The following MARCHF4 variants were observed in gnomAD, a reference collection of about 807,000 sequenced individuals.
MARCHF4 encodes E3 ubiquitin-protein ligase MARCHF4.
A neutral mutation model predicts 43.9 loss-of-function variants in MARCHF4; 14 were observed. The observed-to-expected ratio is 0.32, with a 90% CI of 0.21 to 0.50. MARCHF4 has a LOEUF of 0.50. Among genes scored for constraint, MARCHF4 ranks in the 20% least tolerant of loss-of-function variants. The pLI, the probability that MARCHF4 is intolerant of heterozygous loss-of-function variation, is 0.98. For synonymous variants in MARCHF4, 226 were observed against 213.3 expected, an observed-to-expected ratio of 1.06 and a Z score of -0.52; for missense variants, 468 against 536.7, an observed-to-expected ratio of 0.87 and a Z score of 1.27.
At position 216,341,558 on chromosome 2, in the gene MARCHF4, A is replaced by C. The variant is rs1303857204; in HGVS notation, c.516+28187T>G. ...AGAGGAAACTAATGGTTTTAAGGGC[A>C]TAAGGCAAAACTCAGTCCACAAAGT... is the stretch of plus-strand genomic sequence containing the variant. On this transcript the variant is annotated intron_variant, in intron 1 of 3. Transcript: ENST00000273067. Among the ~76,000 whole-genome samples, 5 of 152,362 alleles carry C rather than the reference A, an allele frequency of 3.3e-5. No homozygotes were observed. The East Asian group carries it at 9.6e-4, about 29-fold the overall frequency.
chr2:216,277,124 A>G (rs1691038048), intron 3 of MARCHF4, among the ~76,000 whole-genome samples: 1 of 152,156 alleles, frequency 6.6e-6, no homozygotes, highest in African/African-American at 2.4e-5. Context: ...CCCTGGTGGG[A>G]TGGGAGAGCC....
chr2:216,369,940 T>C lies in MARCHF4; in HGVS notation c.321A>G (p.Pro107=). ...VGREPPPVPP[P]PPLPPSSVED... ...CCACAGAAGAAGGTGGCAAGGGGGG[T>C]GGAGGTGGCACAGGAGGGGGCTCCC... is the stretch of plus-strand genomic sequence containing the variant. Residue 107 remains proline (P), a synonymous_variant, in exon 1 of 4, where the codon CCA becomes CCG. Coordinates refer to ENST00000273067, the MANE Select transcript of MARCHF4 (RefSeq NM_020814.3). 2 of 1,600,864 alleles carry C rather than the reference T, an allele frequency of 1.2e-6. No homozygotes were observed. The highest frequency in any genetic ancestry group is 1.7e-6 in the Non-Finnish European group (2 of 1,173,272).
chr2:216,318,617 G>A (rs139115939), intron 1 of MARCHF4, among the ~76,000 whole-genome samples: 269 of 152,296 alleles, frequency 1.8e-3, no homozygotes, highest in African/African-American at 6.2e-3. Flanking sequence ...AGACAGGGAG[G>A]AGGGCAAGTT....
At chr2:216,270,531 C>CA (rs1162412550) in intron 3 of MARCHF4, among the ~76,000 whole-genome samples, 2 of 151,982 alleles carry the variant, frequency 1.3e-5, no homozygotes, top group Non-Finnish European at 2.9e-5. Flanking sequence ...TCTACCCTGA[C>CA]AAAAAAACCT....
chr2:216,313,934 G>A (rs1268091606), intron 1 of MARCHF4, among the ~76,000 whole-genome samples: 1 of 152,182 alleles, frequency 6.6e-6, no homozygotes, highest in Admixed American at 6.6e-5. Flanking sequence ...AGAAAGGGAA[G>A]TCACTGCAGA....
At chr2:216,331,290 T>A (rs1044810117) in intron 1 of MARCHF4, among the ~76,000 whole-genome samples, 2 of 151,450 alleles carry the variant, frequency 1.3e-5, no homozygotes, top group Non-Finnish European at 2.9e-5. Context: ...AAGCACAATT[T>A]AAAAAAAACA....
At chr2:216,336,399 A>T (rs1296800031) in intron 1 of MARCHF4, among the ~76,000 whole-genome samples, 1 of 152,186 alleles carries the variant, frequency 6.6e-6, no homozygotes, top group East Asian at 1.9e-4. Context: ...TTAAGAACAA[A>T]ATGAAAACCC....
intron 1 of MARCHF4, chr2:216,321,779 G>A (rs1691899738): frequency 6.6e-6 from 1 of 152,212 alleles, no homozygotes; most frequent in Non-Finnish European, 1.5e-5. Flanking sequence ...ACTTCTTGGT[G>A]ATACTACTAA....
chr2:216,326,402 G>A (rs1241782258), intron 1 of MARCHF4, among the ~76,000 whole-genome samples: 2 of 147,758 alleles, frequency 1.4e-5, no homozygotes, highest in Admixed American at 6.8e-5. Context: ...AGTCAGTGTG[G>A]CCATTCCTCA....
At chr2:216,334,716 G>A (rs1692133493) in intron 1 of MARCHF4, among the ~76,000 whole-genome samples, 4 of 152,164 alleles carry the variant, frequency 2.6e-5, no homozygotes, top group African/African-American at 9.7e-5. Context: ...AAGCTGCCTG[G>A]TTTATAGCTA....
intron 1 of MARCHF4, among the ~76,000 whole-genome samples, chr2:216,321,334 G>GAT (rs1691892794): frequency 6.6e-6 from 1 of 152,046 alleles, no homozygotes; most frequent in South Asian, 2.1e-4. Context: ...GAGGTGTATG[G>GAT]ATATATATAC....
intron 3 of MARCHF4, among the ~76,000 whole-genome samples, chr2:216,261,382 T>A (rs193085047): frequency 6.6e-6 from 1 of 152,176 alleles, no homozygotes; most frequent in East Asian, 1.9e-4. Context: ...CTCCTACTAC[T>A]CTTCTGTCAT....
intron 3 of MARCHF4, among the ~76,000 whole-genome samples, chr2:216,266,846 C>T (rs916492906): frequency 1.2e-4 from 19 of 152,226 alleles, no homozygotes; most frequent in African/African-American, 3.9e-4. Flanking sequence ...TCACTGCCTG[C>T]CCAGTATTCT....
At chr2:216,281,182 C>T (rs906169844) in intron 2 of MARCHF4, among the ~76,000 whole-genome samples, 2 of 151,642 alleles carry the variant, frequency 1.3e-5, no homozygotes, top group Admixed American at 6.6e-5. Context: ...AATCCTCCCA[C>T]CTCAGCCTCC....
At chr2:216,338,540 CTA>C (rs992072997) in intron 1 of MARCHF4, among the ~76,000 whole-genome samples, 2 of 152,210 alleles carry the variant, frequency 1.3e-5, no homozygotes, top group Non-Finnish European at 2.9e-5. Context: ...TTCCCAGGTT[CTA>C]GTAACCTACC....
At chr2:216,314,289 G>T (rs1278836669) in intron 1 of MARCHF4, among the ~76,000 whole-genome samples, 2 of 151,790 alleles carry the variant, frequency 1.3e-5, no homozygotes, top group African/African-American at 4.8e-5. Flanking sequence ...CTAATTAGGG[G>T]TGCATATATT....
At chr2:216,367,213 C>G (rs2105987714) in intron 1 of MARCHF4, among the ~76,000 whole-genome samples, 1 of 152,246 alleles carries the variant, frequency 6.6e-6, no homozygotes, top group East Asian at 1.9e-4. Context: ...GCCCACATTT[C>G]CTCCAGGGCC....
rs1350656686 is a variant in MARCHF4 at position 216,279,619 on chromosome 2, T to C, written c.673-1755A>G. On this transcript the variant is annotated intron_variant, in intron 2 of 3. Transcript: ENST00000273067. ...CCGGATGGAAGCATTTGATTCATTC[T>C]GGCTGCAGCTGGGATTGGCCTGGCC... 5.3e-5 allele frequency among the ~76,000 whole-genome samples: 8 copies of C among 152,372 alleles called. No homozygotes were observed. In the East Asian group the frequency reaches 7.7e-4, roughly 15 times the overall value.
intron 3 of MARCHF4, among the ~76,000 whole-genome samples, chr2:216,266,658 C>T (rs1690849656): frequency 6.6e-6 from 1 of 152,210 alleles, no homozygotes; most frequent in African/African-American, 2.4e-5. Context: ...AGTAGTGTCT[C>T]ACTCTGAAGC....
Sources: allele counts gnomAD v4.1 joint callset (sites outside exome capture counted in the v4.1 genomes callset), GRCh38; gene constraint gnomAD v4.1.1; transcripts MANE v1.5; gene names NCBI Gene and HGNC (gene_info 2026-07-23, HGNC 2026-07-21).